CDK14: variants seen among roughly 807,000 people sequenced by gnomAD.
The protein encoded by CDK14 is cyclin-dependent kinase 14.
CDK14 carries 34 observed loss-of-function variants against 60.7 expected under a neutral mutation model. The ratio of observed to expected loss-of-function variants is 0.56; its 90% CI spans 0.43 to 0.75. The LOEUF (loss-of-function observed/expected upper bound fraction) is 0.75. Ranked by LOEUF, CDK14 falls within the 30% of genes least tolerant of loss-of-function variation. The pLI is 0.00. For missense variants in CDK14, 482 were observed against 564.1 expected (o/e 0.85, Z 1.47); for synonymous variants, 197 against 203.7 (o/e 0.97, Z 0.28).
chr7:90,639,106 C>T lies in CDK14; in HGVS notation c.123+34857C>T, dbSNP rs575960554. 2.8e-4 allele frequency among the ~76,000 whole-genome samples: 43 copies of T among 152,316 alleles called. No individual in the cohort carries two copies. The Middle Eastern group carries it at 0.014, about 48-fold the overall frequency. ...CTCCTGTAGCTCGGAGTAATTTGAT[C>T]GTCTGAAGCCTTCTTCTCTCAACTC... On this transcript the variant is annotated intron_variant, in intron 2 of 14. Coordinates refer to ENST00000380050, the MANE Select transcript of CDK14 (RefSeq NM_001287135.2).
chr7:90,973,181 G>A (rs954406517), intron 9 of CDK14, among the ~76,000 whole-genome samples: 3 of 152,142 alleles, frequency 2.0e-5, no homozygotes, highest in African/African-American at 7.2e-5. Context: ...TTTCAACAAT[G>A]CAGATGGCTC....
rs189199003 is a variant in CDK14, at chr7:90,668,856, G to A, written c.124-57711G>A. Among the ~76,000 whole-genome samples, 124 of 150,872 alleles carry A rather than the reference G, an allele frequency of 8.2e-4. 1 individual carries two copies. Among genetic ancestry groups the A allele is most frequent in the African/African-American group, 2.7e-3 (110 of 41,070 alleles). ...CCTGAGTAGCTAGGACCACAGATGCGTGCCACCGTGCCTGGCTATTTTTTT... is the reference window on the plus strand; with the variant it reads ...CCTGAGTAGCTAGGACCACAGATGCATGCCACCGTGCCTGGCTATTTTTTT... On this transcript the variant is annotated intron_variant, in intron 2 of 14. Transcript: ENST00000380050.
intron 12 of CDK14, among the ~76,000 whole-genome samples, chr7:91,092,244 T>C (rs1798853367): frequency 6.6e-6 from 1 of 152,174 alleles, no homozygotes; most frequent in African/African-American, 2.4e-5. Flanking sequence ...TTGTGCTCAG[T>C]TCCAGTAAAA....
chr7:90,655,859 C>T (rs569865649), intron 2 of CDK14, among the ~76,000 whole-genome samples: 1 of 152,290 alleles, frequency 6.6e-6, no homozygotes, highest in South Asian at 2.1e-4. Context: ...CTGAAACACC[C>T]TTCATTTCTA....
chr7:90,791,238 C>T (rs2106279), intron 5 of CDK14, among the ~76,000 whole-genome samples: 97,185 of 151,780 alleles, frequency 0.64, 31,528 homozygotes, highest in East Asian at 0.96. Context: ...TTTATTAAAT[C>T]AAATAGCTCT....
At chr7:91,160,150 T>G (rs1801123447) in intron 14 of CDK14, among the ~76,000 whole-genome samples, 1 of 152,082 alleles carries the variant, frequency 6.6e-6, no homozygotes, top group Admixed American at 6.6e-5. Context: ...ATTACTTTGT[T>G]CAGGAGGGAG....
intron 4 of CDK14, among the ~76,000 whole-genome samples, chr7:90,758,215 T>C (rs1175613172): frequency 6.6e-6 from 1 of 152,186 alleles, no homozygotes; most frequent in Non-Finnish European, 1.5e-5. Flanking sequence ...TTTTGATCAG[T>C]GTTCTCCAGA....
intron 5 of CDK14, among the ~76,000 whole-genome samples, chr7:90,818,903 T>A (rs1789446312): frequency 6.6e-6 from 1 of 151,810 alleles, no homozygotes; most frequent in Non-Finnish European, 1.5e-5. Flanking sequence ...TGTGTGTGTG[T>A]GTGTGTATAT....
At chr7:90,963,086 A>AGAGAGTGTGTGTGT (rs146903374) in intron 9 of CDK14, among the ~76,000 whole-genome samples, 15 of 142,180 alleles carry the variant, frequency 1.1e-4, no homozygotes, top group East Asian at 8.9e-4. Context: ...TCATCTTAAG[A>AGAGAGTGTGTGTGT]GTGTGTGTGT....
chr7:90,624,782 G>C (rs888953536), intron 2 of CDK14, among the ~76,000 whole-genome samples: 1 of 152,194 alleles, frequency 6.6e-6, no homozygotes, highest in Non-Finnish European at 1.5e-5. Context: ...GAGCTTCAGC[G>C]TCCTCATCTG....
At chr7:91,024,184 C>T (rs563399530) in intron 10 of CDK14, among the ~76,000 whole-genome samples, 1 of 152,182 alleles carries the variant, frequency 6.6e-6, no homozygotes, top group Admixed American at 6.5e-5. Flanking sequence ...CTGAGTGCCA[C>T]TATATGTTAT....
intron 2 of CDK14, chr7:90,710,226 A>G (rs1399884409): frequency 1.0e-6 from 1 of 985,156 alleles, no homozygotes; most frequent in Non-Finnish European, 1.2e-6. Context: ...TAGCAGTGAT[A>G]AGATGGGGAA....
At chr7:91,041,192 A>G (rs1434452402) in intron 10 of CDK14, among the ~76,000 whole-genome samples, 12 of 126,630 alleles carry the variant, frequency 9.5e-5, no homozygotes, top group African/African-American at 3.6e-4. Context: ...TTTTTTTTTT[A>G]ACAGATGTTA....
At chr7:90,932,467 T>TC (rs1793622720) in intron 8 of CDK14, among the ~76,000 whole-genome samples, 2 of 152,166 alleles carry the variant, frequency 1.3e-5, no homozygotes, top group Admixed American at 6.6e-5. Flanking sequence ...CTCTCCCATC[T>TC]CCCCCCAGCC....
At chr7:90,931,831 T>C (rs1284160480) in intron 8 of CDK14, among the ~76,000 whole-genome samples, 1 of 152,092 alleles carries the variant, frequency 6.6e-6, no homozygotes, top group African/African-American at 2.4e-5. Context: ...GTTTTGGGTC[T>C]TAGAGGTCCC....
chr7:90,917,836 A>ATT, intron 8 of CDK14, 112 bp downstream of exon 8: 21 of 992,002 alleles, frequency 2.1e-5, no homozygotes, highest in South Asian at 7.2e-5. Context: ...GATCCTGGTA[A>ATT]TTTTTTTTTT....
At chr7:91,191,186 G>A (rs1802350769) in intron 14 of CDK14, among the ~76,000 whole-genome samples, 1 of 152,162 alleles carries the variant, frequency 6.6e-6, no homozygotes, top group East Asian at 1.9e-4. Flanking sequence ...GTTACTTTTG[G>A]ACTTTCTACA....
intron 2 of CDK14, among the ~76,000 whole-genome samples, chr7:90,604,870 C>T (rs1223975235): frequency 1.3e-5 from 2 of 152,082 alleles, no homozygotes; most frequent in Non-Finnish European, 2.9e-5. Flanking sequence ...GTAGGAATCA[C>T]CAGAGAAATA....
At chr7:90,612,635 G>A (rs1267662241) in intron 2 of CDK14, among the ~76,000 whole-genome samples, 4 of 152,038 alleles carry the variant, frequency 2.6e-5, no homozygotes, top group South Asian at 2.1e-4. Flanking sequence ...AGCTGGGTGT[G>A]GTGGTGGGTA....
Sources: allele counts gnomAD v4.1 joint callset (sites outside exome capture counted in the v4.1 genomes callset), GRCh38; gene constraint gnomAD v4.1.1; transcripts MANE v1.5; gene names NCBI Gene and HGNC (gene_info 2026-07-23, HGNC 2026-07-21).